The following TECRL variants were observed in gnomAD, a reference collection of about 807,000 sequenced individuals.
TECRL encodes trans-2,3-enoyl-CoA reductase-like.
TECRL carries 63 observed loss-of-function variants against 52.8 expected under a neutral mutation model. The ratio of observed to expected loss-of-function variants is 1.19; its 90% CI spans 0.97 to 1.47. The LOEUF is 1.47. Among genes scored for constraint, TECRL ranks in the 40% most tolerant of loss-of-function variants. The pLI, the probability that TECRL is intolerant of heterozygous loss-of-function variation, is 0.00. For synonymous variants in TECRL, 164 were observed against 141.9 expected, an observed-to-expected ratio of 1.16 and a Z score of -1.10; for missense variants, 482 against 429.6, an observed-to-expected ratio of 1.12 and a Z score of -1.08.
chr4:64,346,192 C>A (rs549477413), intron 2 of TECRL, among the ~76,000 whole-genome samples: 1 of 152,254 alleles, frequency 6.6e-6, no homozygotes, highest in Non-Finnish European at 1.5e-5. Context: ...CATCTTTCAA[C>A]TCATGAAAGA....
At chr4:64,280,252 A>G in intron 11 of TECRL, 53 bp from the exon 12 acceptor site, 1 of 971,528 alleles carries the variant, frequency 1.0e-6, no homozygotes, top group Non-Finnish European at 1.4e-6. Flanking sequence ...ATGAAATGTT[A>G]TATTAGGAAA....
chr4:64,276,988 T>A, downstream of TECRL: 1 of 1,406,402 alleles, frequency 7.1e-7, no homozygotes, highest in Non-Finnish European at 9.6e-7. Context: ...AGCATTAATA[T>A]TGACAACAAG....
chr4:64,310,312 G>T (rs1044120453), intron 5 of TECRL, among the ~76,000 whole-genome samples: 8 of 152,154 alleles, frequency 5.3e-5, no homozygotes, highest in Admixed American at 3.3e-4. Flanking sequence ...AGCCTAGTTG[G>T]AATGTATTTG....
chr4:64,311,574 C>G (rs1020518808), intron 5 of TECRL, among the ~76,000 whole-genome samples: 5 of 152,112 alleles, frequency 3.3e-5, no homozygotes, highest in African/African-American at 1.2e-4. Flanking sequence ...AATTTTGGTT[C>G]AAGCTATGAT....
In TECRL at chr4:64,277,960, AT is replaced by A; in HGVS notation, c.*2111del. ...ATTTAAAGATGTAAAAATAGAACAA[AT>A]TTTTTCCACTCTGAATGTGCCCAAA... On this transcript the variant is annotated 3_prime_UTR_variant, in exon 12 of 12. Transcript: ENST00000381210. 1.3e-5 allele frequency: 2 copies of A among 151,594 alleles called. No homozygotes were observed. The highest frequency in any genetic ancestry group is 4.2e-4 in the South Asian group (2 of 4,818). 9.4% of individuals were successfully genotyped at this position (151,594 alleles called of 1,614,324 possible). A position where few individuals can be genotyped will look rare whatever the true frequency, so the allele number is the denominator to read the frequency against.
intron 2 of TECRL, 47 bp downstream of exon 2, chr4:64,375,125 A>C: frequency 9.9e-7 from 1 of 1,014,756 alleles, no homozygotes; most frequent in Non-Finnish European, 1.4e-6. Context: ...AACCTATTTG[A>C]AAATAAAACA....
At chr4:64,404,596 G>A in intron 1 of TECRL, among the ~76,000 whole-genome samples, 1 of 151,984 alleles carries the variant, frequency 6.6e-6, no homozygotes, top group South Asian at 2.1e-4. Context: ...ATGGGAACTA[G>A]CTAAATGAGC....
At chr4:64,300,949 C>T (rs964142578) in intron 7 of TECRL, among the ~76,000 whole-genome samples, 3 of 150,824 alleles carry the variant, frequency 2.0e-5, no homozygotes, top group African/African-American at 7.3e-5. Flanking sequence ...CTGCTTTGAA[C>T]ATCTTTACGT....
At chr4:64,358,703 C>T (rs192876940) in intron 2 of TECRL, among the ~76,000 whole-genome samples, 67 of 151,688 alleles carry the variant, frequency 4.4e-4, no homozygotes, top group African/African-American at 1.2e-3. Context: ...AATCTGATGC[C>T]TTCCCAACAT....
intron 2 of TECRL, among the ~76,000 whole-genome samples, chr4:64,338,482 A>G (rs1309098396): frequency 6.6e-6 from 1 of 152,196 alleles, no homozygotes; most frequent in Non-Finnish European, 1.5e-5. Flanking sequence ...AACTACCATC[A>G]GAGTCAACCG....
At chr4:64,335,753 TTG>T (rs1719029484) in intron 2 of TECRL, among the ~76,000 whole-genome samples, 2 of 152,194 alleles carry the variant, frequency 1.3e-5, no homozygotes, top group African/African-American at 4.8e-5. Context: ...ATTTACATGA[TTG>T]TATGTCAGAA....
At chr4:64,360,813 G>A (rs1205652175) in intron 2 of TECRL, among the ~76,000 whole-genome samples, 1 of 152,164 alleles carries the variant, frequency 6.6e-6, no homozygotes, top group African/African-American at 2.4e-5. Context: ...TGGAATCCCA[G>A]CGGTGAGAGA....
chr4:64,290,727 A>T (rs1723333957), intron 8 of TECRL, among the ~76,000 whole-genome samples: 1 of 152,162 alleles, frequency 6.6e-6, no homozygotes, highest in African/African-American at 2.4e-5. Context: ...TCTAAATTTT[A>T]GGAAAAAATA....
rs1025696697 is a variant in TECRL at position 64,342,710 on chromosome 4, A to G, written c.287-14154T>C. ...AAAAATAAATGGAGGCCACAAAAGTATCTATCTATTCAGGACACTGTGAGG... is the reference window on the plus strand; with the variant it reads ...AAAAATAAATGGAGGCCACAAAAGTGTCTATCTATTCAGGACACTGTGAGG... On this transcript the variant is annotated intron_variant, in intron 2 of 11. Transcript: ENST00000381210. Among the ~76,000 whole-genome samples, 5 of 152,276 alleles carry G rather than the reference A, an allele frequency of 3.3e-5. No individual in the cohort carries two copies. In the East Asian group the frequency reaches 9.6e-4, roughly 29 times the overall value.
intron 2 of TECRL, among the ~76,000 whole-genome samples, chr4:64,333,511 A>G (rs1718800448): frequency 6.6e-6 from 1 of 152,200 alleles, no homozygotes; most frequent in African/African-American, 2.4e-5. Flanking sequence ...AAAAAAGCAG[A>G]ATATCTTATA....
intron 2 of TECRL, among the ~76,000 whole-genome samples, chr4:64,344,076 G>T (rs536823487): frequency 1.3e-5 from 2 of 152,016 alleles, no homozygotes; most frequent in East Asian, 3.9e-4. Flanking sequence ...AACCAGCTAG[G>T]TTACCATTTG....
intron 2 of TECRL, among the ~76,000 whole-genome samples, chr4:64,368,595 T>C (rs1721775969): frequency 6.6e-6 from 1 of 152,074 alleles, no homozygotes; most frequent in East Asian, 1.9e-4. Context: ...TGCCCAGCCC[T>C]CATAATTGTT....
intron 1 of TECRL, among the ~76,000 whole-genome samples, chr4:64,394,233 A>G (rs1723759271): frequency 6.6e-6 from 1 of 152,190 alleles, no homozygotes; most frequent in South Asian, 2.1e-4. Flanking sequence ...AGATAATAAT[A>G]AAAATTTCCT....
intron 1 of TECRL, among the ~76,000 whole-genome samples, chr4:64,398,635 T>G (rs769035600): frequency 6.6e-6 from 1 of 152,138 alleles, no homozygotes; most frequent in Admixed American, 6.6e-5. Flanking sequence ...CCTCTTTCCT[T>G]TATAAATTAC....
Sources: gnomAD v4.1 joint callset for allele counts (sites outside exome capture counted in the v4.1 genomes callset) on GRCh38, gnomAD v4.1.1 for gene constraint, MANE v1.5 for transcripts, NCBI Gene and HGNC (gene_info 2026-07-23, HGNC 2026-07-21) for gene names.